ZNF407: variants seen among roughly 807,000 people sequenced by gnomAD.
ZNF407 encodes the protein zinc finger protein 407.
In ZNF407, 17 loss-of-function variants were observed where a neutral mutation model predicts 131.2. The observed-to-expected ratio is 0.13, with a 90% CI of 0.09 to 0.19. The LOEUF (loss-of-function observed/expected upper bound fraction) is 0.19. Ranked by LOEUF, ZNF407 falls within the 10% of genes least tolerant of loss-of-function variation. ZNF407 has a pLI of 1.00. For missense variants in ZNF407, 2,681 were observed against 2,830.6 expected (o/e 0.95, Z 1.20); for synonymous variants, 1,156 against 1,062.0 (o/e 1.09, Z -1.72).
At chr18:75,021,002 T>C (rs765230422) in intron 8 of ZNF407, among the ~76,000 whole-genome samples, 2 of 152,146 alleles carry the variant, frequency 1.3e-5, no homozygotes, top group Non-Finnish European at 2.9e-5. Flanking sequence ...AGGCTTTCTG[T>C]ATTTCACCTC....
At chr18:74,791,633 T>C (rs1969827788) in intron 4 of ZNF407, among the ~76,000 whole-genome samples, 1 of 152,200 alleles carries the variant, frequency 6.6e-6, no homozygotes, top group Admixed American at 6.5e-5. Context: ...GTGTGTACTT[T>C]ATTTTCAAGG....
chr18:75,024,632 A>T (rs1973150640), intron 8 of ZNF407, among the ~76,000 whole-genome samples: 1 of 152,210 alleles, frequency 6.6e-6, no homozygotes, highest in African/African-American at 2.4e-5. Context: ...TTTTTAAAGG[A>T]ATTATCTTGA....
chr18:74,724,619 G>A (rs1437375424), intron 3 of ZNF407, among the ~76,000 whole-genome samples: 1 of 151,868 alleles, frequency 6.6e-6, no homozygotes, highest in Non-Finnish European at 1.5e-5. Context: ...TTTAAAATCT[G>A]CTTTTGCACT....
intron 1 of ZNF407, among the ~76,000 whole-genome samples, chr18:74,624,027 C>G (rs538150363): frequency 6.6e-6 from 1 of 152,294 alleles, no homozygotes; most frequent in South Asian, 2.1e-4. Flanking sequence ...TCTTCTCAAT[C>G]TTGAAACCTT....
At chr18:74,937,972 T>A (rs765967156) in intron 8 of ZNF407, among the ~76,000 whole-genome samples, 2 of 152,182 alleles carry the variant, frequency 1.3e-5, no homozygotes, top group Non-Finnish European at 2.9e-5. Flanking sequence ...TACCCATGGC[T>A]CACATGTGAT....
At chr18:74,708,343 G>A (rs1010932533) in intron 3 of ZNF407, among the ~76,000 whole-genome samples, 1 of 152,094 alleles carries the variant, frequency 6.6e-6, no homozygotes, top group Non-Finnish European at 1.5e-5. Flanking sequence ...TCACACACAG[G>A]CATGTATAGG....
At position 74,631,066 on chromosome 18, in the gene ZNF407, TAAAC is replaced by T. The variant is rs1984037363; in HGVS notation, c.51_54del (p.Asn17LysfsTer6). On this transcript the variant is annotated frameshift_variant, in exon 2 of 9. Coordinates refer to ENST00000299687, the MANE Select transcript of ZNF407 (RefSeq NM_017757.3). LOFTEE classifies it high-confidence loss of function. ...CCCGAAAATGATGAGGATGAAAAGA[TAAAC>T]AAAGAAGCACAAGACTTGACAAAGC... 6.2e-7 allele frequency: 1 copy of T among 1,612,134 alleles called. No individual in the cohort carries two copies.
intron 4 of ZNF407, among the ~76,000 whole-genome samples, chr18:74,814,152 A>G (rs1970236312): frequency 1.3e-5 from 2 of 152,086 alleles, no homozygotes; most frequent in Admixed American, 1.3e-4. Context: ...TTTTGTTTTT[A>G]AGATACAGGG....
chr18:74,982,644 C>T (rs1243172628), intron 8 of ZNF407, among the ~76,000 whole-genome samples: 1 of 152,206 alleles, frequency 6.6e-6, no homozygotes, highest in Non-Finnish European at 1.5e-5. Context: ...AGGAACCTCT[C>T]GTCACTGTCT....
chr18:74,650,047 T>A (rs1160948622), intron 3 of ZNF407, among the ~76,000 whole-genome samples: 2 of 152,246 alleles, frequency 1.3e-5, no homozygotes, highest in Non-Finnish European at 2.9e-5. Context: ...AACTGTTTTC[T>A]CTTTTCCTTA....
chr18:74,960,815 TAGG>T (rs1972333459), intron 8 of ZNF407, among the ~76,000 whole-genome samples: 4 of 143,722 alleles, frequency 2.8e-5, no homozygotes, highest in Non-Finnish European at 6.1e-5. Flanking sequence ...GGTGGAGGGA[TAGG>T]AGAAGGTCCT....
chr18:74,835,138 C>A (rs778321895), intron 4 of ZNF407, among the ~76,000 whole-genome samples: 2 of 152,112 alleles, frequency 1.3e-5, no homozygotes, highest in Non-Finnish European at 2.9e-5. Flanking sequence ...AGCTCATAGT[C>A]TTTTTCCTGA....
At chr18:74,880,951 G>A in intron 5 of ZNF407, 85 bp from the exon 6 acceptor site, 1 of 1,113,592 alleles carries the variant, frequency 9.0e-7, no homozygotes. Context: ...TTGATTGGAG[G>A]AATTAGTAAC....
chr18:74,680,400 TAAAAAAAA>T (rs11404762), intron 3 of ZNF407, among the ~76,000 whole-genome samples: 1 of 137,614 alleles, frequency 7.3e-6, no homozygotes, highest in African/African-American at 2.7e-5. Flanking sequence ...GACCTTGCCT[TAAAAAAAA>T]AAAAAAAATA....
At chr18:74,764,664 A>G (rs1969187831) in intron 3 of ZNF407, among the ~76,000 whole-genome samples, 1 of 152,186 alleles carries the variant, frequency 6.6e-6, no homozygotes, top group African/African-American at 2.4e-5. Context: ...TATGTGCAAA[A>G]GCAGTTGCCC....
At chr18:74,799,685 A>T (rs969227491) in intron 4 of ZNF407, among the ~76,000 whole-genome samples, 1 of 151,986 alleles carries the variant, frequency 6.6e-6, no homozygotes, top group African/African-American at 2.4e-5. Context: ...TTGTGCATTT[A>T]TATTGTTTGG....
intron 7 of ZNF407, among the ~76,000 whole-genome samples, chr18:74,892,346 T>C (rs1971396997): frequency 6.6e-6 from 1 of 152,182 alleles, no homozygotes; most frequent in Admixed American, 6.5e-5. Flanking sequence ...GAAATGCCAC[T>C]TTCTGTTTTG....
At chr18:75,010,951 G>A (rs979465155) in intron 8 of ZNF407, among the ~76,000 whole-genome samples, 1 of 152,156 alleles carries the variant, frequency 6.6e-6, no homozygotes, top group African/African-American at 2.4e-5. Context: ...AACAACAGAG[G>A]ATGTGGCATC....
intron 3 of ZNF407, among the ~76,000 whole-genome samples, chr18:74,747,523 A>G (rs1289989931): frequency 6.6e-6 from 1 of 151,978 alleles, no homozygotes; most frequent in African/African-American, 2.4e-5. Flanking sequence ...TAAGTTTGGC[A>G]TGTTATTAAA....
Sources: allele counts gnomAD v4.1 joint callset (sites outside exome capture counted in the v4.1 genomes callset), GRCh38; gene constraint gnomAD v4.1.1; transcripts MANE v1.5; gene names NCBI Gene and HGNC (gene_info 2026-07-23, HGNC 2026-07-21).